The following ALDH18A1 variants were observed in gnomAD, a reference collection of about 807,000 sequenced individuals.
ALDH18A1 encodes the protein delta-1-pyrroline-5-carboxylate synthase.
A neutral mutation model predicts 88.8 loss-of-function variants in ALDH18A1; 44 were observed. The ratio of observed to expected loss-of-function variants is 0.50; its 90% CI spans 0.39 to 0.64. The LOEUF is 0.64. ALDH18A1 is among the 30% of genes least tolerant of loss of function. ALDH18A1 has a pLI of 0.00. For synonymous variants in ALDH18A1, 331 were observed against 372.1 expected (o/e 0.89, Z 1.27); for missense variants, 782 against 1,009.5 (o/e 0.77, Z 3.05).
In ALDH18A1 at chr10:95,613,988, A is replaced by T; in HGVS notation, c.1779T>A (p.Ser593Arg). The change falls in exon 14 of 18, where the codon AGT becomes AGA. Residue 593 changes from serine (S) to arginine (R), a missense_variant. Ser to Arg is a moderately radical substitution (Grantham distance 110, BLOSUM62 -1). This residue lies in a region of ALDH18A1 where 556 missense variants were observed against 654.5 expected (regional missense o/e 0.85). Transcript: ENST00000371224. The part of the protein sequence containing the change: ...ICHMYVDSEA[S>R]VDKVTRLVRD... ...CACCTAGCCTGGTGACCTTATCAAC[A>T]CTGGCCTCGGAATCCACATACATGT... 6.2e-7 allele frequency: 1 copy of T among 1,614,202 alleles called. No individual in the cohort carries two copies. The highest frequency in any genetic ancestry group is 8.5e-7 in the Non-Finnish European group (1 of 1,180,034).
At chr10:95,641,116 C>T (rs2097890475) in intron 3 of ALDH18A1, among the ~76,000 whole-genome samples, 1 of 152,136 alleles carries the variant, frequency 6.6e-6, no homozygotes, top group Non-Finnish European at 1.5e-5. Context: ...GCACCTCACA[C>T]TGTGTACTTA....
At chr10:95,641,510 T>C (rs570543614) in intron 3 of ALDH18A1, among the ~76,000 whole-genome samples, 18 of 106,240 alleles carry the variant, frequency 1.7e-4, no homozygotes, top group African/African-American at 6.3e-4. Context: ...TTTTTTTTTT[T>C]CTGCAGGGGC....
intron 12 of ALDH18A1, among the ~76,000 whole-genome samples, chr10:95,620,330 G>T (rs2097850207): frequency 6.6e-6 from 1 of 152,162 alleles, no homozygotes; most frequent in Admixed American, 6.5e-5. Context: ...TTACACTGTT[G>T]GTGGGAGTGT....
At chr10:95,618,613 C>T (rs1053242711) in intron 12 of ALDH18A1, among the ~76,000 whole-genome samples, 1 of 152,142 alleles carries the variant, frequency 6.6e-6, no homozygotes, top group African/African-American at 2.4e-5. Context: ...TGTGCCTGGC[C>T]GACAGTTGCA....
At chr10:95,609,336 C>G (rs11188398) in intron 17 of ALDH18A1, among the ~76,000 whole-genome samples, 2 of 152,110 alleles carry the variant, frequency 1.3e-5, no homozygotes, top group African/African-American at 4.8e-5. Flanking sequence ...GTACTTCTGG[C>G]TGGCCTGTTT....
At position 95,614,567 on chromosome 10, in the gene ALDH18A1, G is replaced by C. The variant is rs78159088; in HGVS notation, c.1606-406C>G. ...TCCAGGCCATGAAGATCACAAAAGG[G>C]AGTGGCTTCTCTGTTGGTTTTCTAT... On this transcript the variant is annotated intron_variant, in intron 13 of 17. Coordinates refer to ENST00000371224, the MANE Select transcript of ALDH18A1 (RefSeq NM_002860.4). Among the ~76,000 whole-genome samples the C allele has an allele frequency of 1.7e-3, 255 of 152,316 alleles. 5 individuals are homozygous for C. The East Asian group carries it at 0.042, about 25-fold the overall frequency.
At chr10:95,649,426 C>T (rs144031998) in intron 2 of ALDH18A1, among the ~76,000 whole-genome samples, 2,227 of 146,816 alleles carry the variant, frequency 0.015, 29 homozygotes, top group Middle Eastern at 0.046. Flanking sequence ...GCTATCTTGG[C>T]TCACTGCAAG....
chr10:95,634,244 C>T (rs1479352110), intron 5 of ALDH18A1, among the ~76,000 whole-genome samples: 1 of 152,132 alleles, frequency 6.6e-6, no homozygotes, highest in South Asian at 2.1e-4. Context: ...TAGAGGGATA[C>T]TGGGGGAATC....
chr10:95,617,052 G>T (rs1047188534), intron 12 of ALDH18A1, among the ~76,000 whole-genome samples: 1 of 152,200 alleles, frequency 6.6e-6, no homozygotes, highest in African/African-American at 2.4e-5. Flanking sequence ...TTCGATACCA[G>T]CCTGACCAAC....
Position 95,609,769 on chromosome 10 carries a change from A to ATTTTTTTTT in ALDH18A1, c.2206+419_2206+427dup, listed in dbSNP as rs55659918. On this transcript the variant is annotated intron_variant, in intron 17 of 17. Transcript: ENST00000371224. ...CCTACCTTGCCAGAAGTCTGTCTCT[A>ATTTTTTTTT]TTTTTTTTTTTTTTTTGAGATGGTG... 9.1e-4 allele frequency among the ~76,000 whole-genome samples: 104 copies of ATTTTTTTTT among 114,200 alleles called. 6 individuals carry two copies. Among genetic ancestry groups the ATTTTTTTTT allele is most frequent in the East Asian group, 1.2e-3 (5 of 4,088 alleles). 74.9% of individuals were successfully genotyped at this position (114,200 alleles called of 152,430 possible).
intron 11 of ALDH18A1, among the ~76,000 whole-genome samples, chr10:95,623,801 G>A (rs1433625990): frequency 6.6e-6 from 1 of 152,072 alleles, no homozygotes; most frequent in Non-Finnish European, 1.5e-5. Flanking sequence ...CCAACCTCAG[G>A]TGATCCGCCC....
chr10:95,652,989 C>T (rs1397097756), intron 2 of ALDH18A1, among the ~76,000 whole-genome samples: 1 of 152,012 alleles, frequency 6.6e-6, no homozygotes, highest in Non-Finnish European at 1.5e-5. Flanking sequence ...GAGTTCAAGA[C>T]CAGCCTGGGC....
At chr10:95,612,204 TCAGGTGCTTTCAGCA>T (rs1490981724) in intron 15 of ALDH18A1, among the ~76,000 whole-genome samples, 1 of 152,182 alleles carries the variant, frequency 6.6e-6, no homozygotes, top group Admixed American at 6.5e-5. Context: ...CAGTACTTGG[TCAGGTGCTTTCAGCA>T]CCTGAAACTG....
In ALDH18A1 at chr10:95,611,232, T is replaced by A. The variant is rs2296691; in HGVS notation, c.2110+24A>T. ...GAAAGCAGCAAAGGCAGACACTGTA[T>A]GCGGGAAGCATCTGGACACTGACCG... On this transcript the variant is annotated intron_variant, in intron 16 of 17. Transcript: ENST00000371224. 531,910 of 1,612,570 alleles carry A rather than the reference T, an allele frequency of 0.33. 93,464 individuals carry two copies. Among genetic ancestry groups the A allele is most frequent in the Admixed American group, 0.44 (26,506 of 59,996 alleles).
chr10:95,643,817 G>A (rs982529597), intron 2 of ALDH18A1, among the ~76,000 whole-genome samples: 2 of 151,754 alleles, frequency 1.3e-5, no homozygotes, highest in Non-Finnish European at 2.9e-5. Flanking sequence ...GAAAAATATG[G>A]GTGTTTCTAA....
chr10:95,616,461 A>G lies in ALDH18A1; in HGVS notation c.1605+16T>C, dbSNP rs1282154317. On this transcript the variant is annotated intron_variant, in intron 13 of 17. Coordinates refer to ENST00000371224, the MANE Select transcript of ALDH18A1 (RefSeq NM_002860.4). The stretch of plus-strand genomic sequence containing the variant: ...GGCCCCTCTGGGCCTGACTTGGTGC[A>G]TTCCCAGGGACCTACCAGTTGCACG... 1 of 1,557,812 alleles carries G rather than the reference A, an allele frequency of 6.4e-7. No homozygotes were observed. Among genetic ancestry groups the G allele is most frequent in the African/African-American group, 1.4e-5 (1 of 73,712 alleles).
rs576018142 is a variant in ALDH18A1 at position 95,623,035 on chromosome 10, G to C, written c.1247-1784C>G. On this transcript the variant is annotated intron_variant, in intron 11 of 17. Transcript: ENST00000371224. ...CTTTTTTTACAGTCATAGCCACCAA[G>C]ATAAAATAATAAAAAGATTTCTGCC... Among the ~76,000 whole-genome samples the C allele has an allele frequency of 4.0e-5, 6 of 150,896 alleles. No homozygotes were observed. The South Asian group carries it at 1.1e-3, about 27-fold the overall frequency.
intron 3 of ALDH18A1, among the ~76,000 whole-genome samples, chr10:95,641,344 G>A (rs537257484): frequency 5.3e-5 from 8 of 152,188 alleles, no homozygotes; most frequent in African/African-American, 1.2e-4. Context: ...GTTCTGGCTC[G>A]CAAAGGGTAA....
In ALDH18A1 at chr10:95,611,288, C is replaced by T. The variant is rs746150080; in HGVS notation, c.2078G>A (p.Ser693Asn). 6.2e-7 allele frequency: 1 copy of T among 1,614,176 alleles called. No individual in the cohort carries two copies. Among genetic ancestry groups the T allele is most frequent in the South Asian group, 1.1e-5 (1 of 91,082 alleles). Residue 693 changes from serine (S) to asparagine (N), a missense_variant, in exon 16 of 18, where the codon AGC becomes AAC. This residue lies in a region of ALDH18A1 where 556 missense variants were observed against 654.5 expected (regional missense o/e 0.85). Coordinates refer to ENST00000371224, the MANE Select transcript of ALDH18A1 (RefSeq NM_002860.4). ...TGTGACGATGACATCCGTGTGGGAG[C>T]TGCCATACTTGTGGATGTGGTCAAT... is the stretch of plus-strand genomic sequence containing the variant. The part of the protein sequence containing the change: ...DAIDHIHKYG[S>N]SHTDVIVTED...
Sources: allele counts gnomAD v4.1 joint callset (sites outside exome capture counted in the v4.1 genomes callset), GRCh38; gene constraint gnomAD v4.1.1; regional missense constraint gnomAD v4.1.1; transcripts MANE v1.5; gene names NCBI Gene and HGNC (gene_info 2026-07-23, HGNC 2026-07-21).